The following MNS1 variants were observed in gnomAD, a reference collection of about 807,000 sequenced individuals.
The protein encoded by MNS1 is meiosis specific nuclear structural 1, also known as meiosis-specific nuclear structural protein 1.
Under a neutral mutation model 72.0 loss-of-function variants are expected in MNS1, and 63 were observed. That is an observed-to-expected ratio of 0.87 (90% CI 0.71 to 1.08). The LOEUF is 1.08. Ranked by LOEUF, MNS1 falls within the 50% of genes least tolerant of loss-of-function variation. The pLI is 0.00. For synonymous variants in MNS1, 188 were observed against 172.1 expected (o/e 1.09, Z -0.72); for missense variants, 604 against 562.4 (o/e 1.07, Z -0.75).
intron 8 of MNS1, among the ~76,000 whole-genome samples, chr15:56,433,879 C>G (rs1304130933): frequency 1.3e-5 from 2 of 152,006 alleles, no homozygotes; most frequent in Non-Finnish European, 2.9e-5. Flanking sequence ...TTTTCTTAAC[C>G]AAGACCATAA....
intron 2 of MNS1, among the ~76,000 whole-genome samples, chr15:56,458,698 T>G (rs1227805305): frequency 6.6e-6 from 1 of 152,204 alleles, no homozygotes; most frequent in Non-Finnish European, 1.5e-5. Context: ...TAGTCGGAAT[T>G]ATACAGAATG....
At chr15:56,439,868 A>G (rs1023882341) in intron 7 of MNS1, among the ~76,000 whole-genome samples, 63 of 152,152 alleles carry the variant, frequency 4.1e-4, no homozygotes, top group African/African-American at 1.5e-3. Context: ...CACAGAAAGC[A>G]TGATCCATAA....
At chr15:56,451,525 C>G (rs2050946830) in intron 3 of MNS1, among the ~76,000 whole-genome samples, 1 of 152,178 alleles carries the variant, frequency 6.6e-6, no homozygotes, top group Non-Finnish European at 1.5e-5. Context: ...GGAGGAGAGA[C>G]AGGAGCTGGG....
At chr15:56,455,247 GAAA>G (rs56339584) in intron 3 of MNS1, among the ~76,000 whole-genome samples, 5,016 of 82,842 alleles carry the variant, frequency 0.061, 223 homozygotes, top group East Asian at 0.2. Context: ...ATCGTCAGGT[GAAA>G]AAAAAAAAAA....
rs116088218 is a variant in MNS1, at chr15:56,450,649, C to G, written c.354-3706G>C. On this transcript the variant is annotated intron_variant, in intron 3 of 9. Coordinates refer to ENST00000260453, the MANE Select transcript of MNS1 (RefSeq NM_018365.4). ...TATATACTACACTTCATTTATCCACCCATCTGATGGACATTCAGGTTGTTT... is the reference window on the plus strand; with the variant it reads ...TATATACTACACTTCATTTATCCACGCATCTGATGGACATTCAGGTTGTTT... Among the ~76,000 whole-genome samples the G allele has an allele frequency of 1.7e-3, 261 of 152,168 alleles. 1 individual carries two copies. Among genetic ancestry groups the G allele is most frequent in the African/African-American group, 6.0e-3 (250 of 41,502 alleles).
intron 2 of MNS1, among the ~76,000 whole-genome samples, chr15:56,461,975 GTTTTTTTT>G (rs56022687): frequency 3.0e-4 from 29 of 97,898 alleles, no homozygotes; most frequent in African/African-American, 3.8e-4. Flanking sequence ...TTTTGTTGTT[GTTTTTTTT>G]TTTTTTTTTT....
intron 9 of MNS1, among the ~76,000 whole-genome samples, chr15:56,430,535 G>C (rs1334246593): frequency 6.6e-6 from 1 of 152,140 alleles, no homozygotes; most frequent in Admixed American, 6.6e-5. Context: ...GTCACAGTGT[G>C]TCTCAGGTAT....
rs1596270929 is a variant in MNS1 at position 56,464,612 on chromosome 15, G to C, written c.3+358C>G. ...CACCACCACCACGACTACCACCACA[G>C]GGCCATAAAGTGCTGTTCAGAAGCT... On this transcript the variant is annotated intron_variant, in intron 1 of 9. Transcript: ENST00000260453. Among the ~76,000 whole-genome samples the C allele has an allele frequency of 2.0e-5, 3 of 151,674 alleles. No homozygotes were observed. The East Asian group carries it at 5.8e-4, about 29-fold the overall frequency.
chr15:56,448,373 G>A (rs1233596199), intron 3 of MNS1, among the ~76,000 whole-genome samples: 3 of 152,124 alleles, frequency 2.0e-5, no homozygotes, highest in Admixed American at 6.5e-5. Flanking sequence ...CAAATGGGTT[G>A]TTTTTTAACC....
chr15:56,460,005 A>ATATATATATATATATAT (rs1374166252), intron 2 of MNS1, among the ~76,000 whole-genome samples: 12 of 30,510 alleles, frequency 3.9e-4, no homozygotes, highest in African/African-American at 1.4e-3. Context: ...AAAAAAAAAA[A>ATATATATATATATATAT]AAAAATACAT....
At chr15:56,462,152 G>C (rs1468669659) in intron 2 of MNS1, among the ~76,000 whole-genome samples, 2 of 151,864 alleles carry the variant, frequency 1.3e-5, no homozygotes, top group Non-Finnish European at 2.9e-5. Context: ...TTATATGGGT[G>C]AGCAATTGTG....
At chr15:56,450,791 T>C (rs1196934340) in intron 3 of MNS1, among the ~76,000 whole-genome samples, 1 of 152,194 alleles carries the variant, frequency 6.6e-6, no homozygotes, top group African/African-American at 2.4e-5. Flanking sequence ...TGCTGGCTCA[T>C]ATGGTAATCC....
chr15:56,428,991 A>C lies in MNS1; in HGVS notation c.*110T>G. On this transcript the variant is annotated 3_prime_UTR_variant, in exon 10 of 10. Transcript: ENST00000260453. ...TATGAAATTCAGTGATGATTTACAA[A>C]ATCCAAACAGACAATGGATACCTAA... 3 of 592,824 alleles carry C rather than the reference A, an allele frequency of 5.1e-6. No individual in the cohort carries two copies. 36.7% of individuals were successfully genotyped at this position (592,824 alleles called of 1,614,324 possible).
intron 9 of MNS1, 117 bp downstream of exon 9, chr15:56,431,256 G>C (rs1231812372): frequency 8.4e-7 from 1 of 1,194,188 alleles, no homozygotes; most frequent in Non-Finnish European, 1.2e-6. Context: ...GGATCCCATT[G>C]CTGCTTCATA....
chr15:56,434,839 C>T (rs1458009525), intron 7 of MNS1, among the ~76,000 whole-genome samples: 1 of 152,060 alleles, frequency 6.6e-6, no homozygotes, highest in African/African-American at 2.4e-5. Flanking sequence ...TTACCCATCT[C>T]TAGTCTTCTA....
chr15:56,429,372 T>C (rs150469977), intron 9 of MNS1, 179 bp from the exon 10 acceptor site: 8,527 of 528,168 alleles, frequency 0.016, 104 homozygotes, highest in Non-Finnish European at 0.02. Context: ...TACATATATA[T>C]TGAATATTCC....
chr15:56,461,975 G>GTTGTT (rs1555449789), intron 2 of MNS1, among the ~76,000 whole-genome samples: 17 of 97,880 alleles, frequency 1.7e-4, no homozygotes, highest in African/African-American at 6.5e-4. Context: ...TTTTGTTGTT[G>GTTGTT]TTTTTTTTTT....
At chr15:56,457,643 G>T (rs149995619) in intron 2 of MNS1, among the ~76,000 whole-genome samples, 1 of 152,190 alleles carries the variant, frequency 6.6e-6, no homozygotes, top group Non-Finnish European at 1.5e-5. Flanking sequence ...GCAACATAGA[G>T]AGGTGCTGTC....
rs183302366 is a variant in MNS1, at chr15:56,429,311, A to C, written c.1396-118T>G. ...TCTCCAAGGTAATGAAATCTATTCAACAGATTAATGAAACTTTAAAAAAAT... is the reference window on the plus strand; with the variant it reads ...TCTCCAAGGTAATGAAATCTATTCACCAGATTAATGAAACTTTAAAAAAAT... On this transcript the variant is annotated intron_variant, in intron 9 of 9. Transcript: ENST00000260453. 239 of 647,100 alleles carry C rather than the reference A, an allele frequency of 3.7e-4. 1 individual carries two copies. Among genetic ancestry groups the C allele is most frequent in the Admixed American group, 2.1e-3 (58 of 28,156 alleles). 40.1% of individuals were successfully genotyped at this position (647,100 alleles called of 1,614,324 possible).
Sources: gnomAD v4.1 joint callset for allele counts (sites outside exome capture counted in the v4.1 genomes callset) on GRCh38, gnomAD v4.1.1 for gene constraint, MANE v1.5 for transcripts, NCBI Gene and HGNC (gene_info 2026-07-23, HGNC 2026-07-21) for gene names.